RB1: variants seen among roughly 807,000 people sequenced by gnomAD.
The protein encoded by RB1 is retinoblastoma-associated protein.
RB1 carries 18 observed loss-of-function variants against 135.4 expected under a neutral mutation model. The ratio of observed to expected loss-of-function variants is 0.13; its 90% CI spans 0.09 to 0.20. The LOEUF is 0.20. Among genes scored for constraint, RB1 ranks in the 10% least tolerant of loss-of-function variants. The pLI, the probability that RB1 is intolerant of heterozygous loss-of-function variation, is 1.00. For missense variants in RB1, 868 were observed against 1,110.0 expected, an observed-to-expected ratio of 0.78 and a Z score of 3.10; for synonymous variants, 365 against 373.2, an observed-to-expected ratio of 0.98 and a Z score of 0.25.
At chr13:48,317,092 T>C in intron 2 of RB1, 1 of 902,058 alleles carries the variant, frequency 1.1e-6, no homozygotes, top group Non-Finnish European at 1.5e-6. Context: ...CCGCCGTCCT[T>C]CTTCGCCAGC....
intron 2 of RB1, among the ~76,000 whole-genome samples, chr13:48,339,881 T>G (rs1952427068): frequency 6.6e-6 from 1 of 152,116 alleles, no homozygotes; most frequent in African/African-American, 2.4e-5. Context: ...AAATTTTGAA[T>G]CAAACTCAAC....
At chr13:48,317,606 C>T in intron 2 of RB1, 2 of 474,660 alleles carry the variant, frequency 4.2e-6, no homozygotes, top group East Asian at 6.3e-5. Context: ...GAGCGCTGGT[C>T]TTTCTGAATG....
intron 11 of RB1, among the ~76,000 whole-genome samples, chr13:48,368,929 C>A (rs1036532878): frequency 1.7e-4 from 26 of 152,018 alleles, no homozygotes; most frequent in Admixed American, 1.6e-3. Context: ...TTGCTTGAAC[C>A]CGGGAGGCGG....
At chr13:48,304,113 C>T (rs1952056102) in intron 1 of RB1, 64 bp downstream of exon 1, 13 of 1,324,426 alleles carry the variant, frequency 9.8e-6, no homozygotes, top group Non-Finnish European at 1.2e-5. Flanking sequence ...GTAGGGCGGG[C>T]GCCAAGGCGG....
At chr13:48,349,702 G>A (rs1313827491) in intron 6 of RB1, among the ~76,000 whole-genome samples, 1 of 151,890 alleles carries the variant, frequency 6.6e-6, no homozygotes, top group Non-Finnish European at 1.5e-5. Context: ...CAATAATAAC[G>A]TTGAACATAA....
chr13:48,471,490 G>A (rs1213512624), intron 23 of RB1, among the ~76,000 whole-genome samples: 1 of 126,712 alleles, frequency 7.9e-6, no homozygotes, highest in East Asian at 2.3e-4. Context: ...CAGCACACCA[G>A]CATGGCACAT....
At chr13:48,412,812 T>C in intron 17 of RB1, 1 of 249,758 alleles carries the variant, frequency 4.0e-6, no homozygotes, top group Non-Finnish European at 8.5e-6. Flanking sequence ...ATTTCAGTAG[T>C]CAAGATGAAT....
At position 48,477,490 on chromosome 13, in the gene RB1, ATTT is replaced by A. The variant is rs1360594556; in HGVS notation, c.2713+87_2713+89del. ...TTTTCGTTATATAAAAGAATGTATA[ATTT>A]CTTCAGTTGGCAGGTTTGTTTATGC... On this transcript the variant is annotated intron_variant, in intron 26 of 26. Coordinates refer to ENST00000267163, the MANE Select transcript of RB1 (RefSeq NM_000321.3). 5 of 1,120,490 alleles carry A rather than the reference ATTT, an allele frequency of 4.5e-6. No individual in the cohort carries two copies. The East Asian group carries it at 1.2e-4, about 28-fold the overall frequency. 69.4% of individuals were successfully genotyped at this position (1,120,490 alleles called of 1,614,324 possible).
intron 6 of RB1, among the ~76,000 whole-genome samples, chr13:48,349,468 G>A (rs1952526995): frequency 6.6e-6 from 1 of 151,840 alleles, no homozygotes; most frequent in African/African-American, 2.4e-5. Flanking sequence ...CTTGTTATCA[G>A]TTGAAATAAT....
chr13:48,357,463 G>C (rs1329708426), intron 6 of RB1, among the ~76,000 whole-genome samples: 1 of 151,606 alleles, frequency 6.6e-6, no homozygotes, highest in Admixed American at 6.6e-5. Context: ...TATTGAATTG[G>C]ATTTATAATA....
intron 2 of RB1, chr13:48,317,800 A>AC (rs1281154848): frequency 8.6e-6 from 3 of 350,604 alleles, no homozygotes; most frequent in South Asian, 2.7e-5. Flanking sequence ...CGGCTGTGGG[A>AC]CCCCCCTGGC....
chr13:48,472,976 ATAT>A (rs1229584497), intron 23 of RB1, among the ~76,000 whole-genome samples: 1 of 152,168 alleles, frequency 6.6e-6, no homozygotes, highest in African/African-American at 2.4e-5. Context: ...TTATTACTTA[ATAT>A]TCTAAGTTTT....
At position 48,412,354 on chromosome 13, in the gene RB1, A is replaced by ACATG. The variant is rs558917628; in HGVS notation, c.1695+30914_1695+30917dup. ...AACCCAAGCACAAACACCATGCTGA[A>ACATG]CATGCACCCATACAAAGTGTACTTA... On this transcript the variant is annotated intron_variant, in intron 17 of 26. Transcript: ENST00000267163. 2.1e-5 allele frequency: 34 copies of ACATG among 1,613,840 alleles called. No individual in the cohort carries two copies. In the South Asian group the frequency reaches 3.7e-4, roughly 18 times the overall value.
chr13:48,354,184 A>C (rs1952571712), intron 6 of RB1, among the ~76,000 whole-genome samples: 1 of 152,126 alleles, frequency 6.6e-6, no homozygotes, highest in African/African-American at 2.4e-5. Flanking sequence ...ATTTGGAAGA[A>C]CCTAAAGACT....
chr13:48,339,342 C>T (rs1468504640), intron 2 of RB1, among the ~76,000 whole-genome samples: 1 of 152,240 alleles, frequency 6.6e-6, no homozygotes, highest in Non-Finnish European at 1.5e-5. Flanking sequence ...TTCCTGGCCG[C>T]TTTGTTTACC....
Position 48,440,146 on chromosome 13 carries a change from C to CA in RB1, c.1696-12846dup, listed in dbSNP as rs544045139. 4.0e-3 allele frequency among the ~76,000 whole-genome samples: 612 copies of CA among 152,234 alleles called. 1 individual carries two copies. Among genetic ancestry groups the CA allele is most frequent in the Non-Finnish European group, 7.5e-3 (511 of 68,000 alleles). ...TCTTGGGAGTAAAAGGGAAACCTGG[C>CA]ATGCATGTTTAATAAAGCTTCCTTG... On this transcript the variant is annotated intron_variant, in intron 17 of 26. Coordinates refer to ENST00000267163, the MANE Select transcript of RB1 (RefSeq NM_000321.3).
At chr13:48,476,245 C>A (rs536342114) in intron 24 of RB1, among the ~76,000 whole-genome samples, 2 of 152,120 alleles carry the variant, frequency 1.3e-5, no homozygotes, top group African/African-American at 4.8e-5. Flanking sequence ...TAAAGTGAAT[C>A]AAAAATTATT....
intron 2 of RB1, among the ~76,000 whole-genome samples, chr13:48,321,408 C>T (rs1233728846): frequency 2.0e-5 from 3 of 148,866 alleles, no homozygotes; most frequent in African/African-American, 7.3e-5. Flanking sequence ...CGCGCCGCTG[C>T]CACCGCCCCG....
chr13:48,349,973 A>G (rs1952533552), intron 6 of RB1, among the ~76,000 whole-genome samples: 1 of 152,200 alleles, frequency 6.6e-6, no homozygotes, highest in Admixed American at 6.5e-5. Context: ...AAAGGGGTCA[A>G]TTCAGCAAGA....
Sources: gnomAD v4.1 joint callset for allele counts (sites outside exome capture counted in the v4.1 genomes callset) on GRCh38, gnomAD v4.1.1 for gene constraint, MANE v1.5 for transcripts, NCBI Gene and HGNC (gene_info 2026-07-23, HGNC 2026-07-21) for gene names.